Variants in CYSLTR1 observed in about 807,000 individuals in gnomAD.
CYSLTR1 encodes cysteinyl leukotriene receptor 1.
In CYSLTR1, 1 loss-of-function variant was observed where a neutral mutation model predicts 2.1. That is an observed-to-expected ratio of 0.48 (90% CI 0.17 to 2.28). The LOEUF (loss-of-function observed/expected upper bound fraction) is 2.28. Ranked by LOEUF, CYSLTR1 falls within the 30% of genes most tolerant of loss-of-function variation. The pLI is 0.26. For synonymous variants in CYSLTR1, 110 were observed against 89.6 expected (o/e 1.23, Z -1.28); for missense variants, 299 against 250.1 (o/e 1.20, Z -1.32).
intron 1 of CYSLTR1, among the ~76,000 whole-genome samples, chrX:78,325,661 T>A (rs1361398219): frequency 9.9e-5 from 11 of 111,418 alleles, no homozygotes; most frequent in South Asian, 3.8e-4. Context: ...CAGCCACTGT[T>A]AGGTGTTAGG....
intron 1 of CYSLTR1, among the ~76,000 whole-genome samples, chrX:78,294,391 G>A (rs1043398153): frequency 5.3e-5 from 6 of 112,413 alleles, no homozygotes; most frequent in African/African-American, 1.6e-4. Flanking sequence ...GGTGTCTGTC[G>A]GCCCCTACTG....
intron 1 of CYSLTR1, among the ~76,000 whole-genome samples, chrX:78,292,499 C>G (rs1922385976): frequency 8.9e-6 from 1 of 111,807 alleles, no homozygotes; most frequent in Admixed American, 9.5e-5. Flanking sequence ...TGATGCATAG[C>G]TGAGTTCAAG....
rs1921316922 is a variant in CYSLTR1, at chrX:78,272,623, T to G, written c.*110A>C. Reference sequence around the variant, plus strand: ...AGATAGAGTTGTAGGCCCAAATAGTTAAGTATTTGTAAAATATTAAGTAAA... The same window carrying G: ...AGATAGAGTTGTAGGCCCAAATAGTGAAGTATTTGTAAAATATTAAGTAAA... On this transcript the variant is annotated 3_prime_UTR_variant, in exon 3 of 3. Transcript: ENST00000373304. 4 of 764,035 alleles carry G rather than the reference T, an allele frequency of 5.2e-6. No individual in the cohort carries two copies. The highest frequency in any genetic ancestry group is 3.6e-5 in the East Asian group (1 of 27,411). 63.0% of individuals were successfully genotyped at this position (764,035 alleles called of 1,213,427 possible).
intron 1 of CYSLTR1, among the ~76,000 whole-genome samples, chrX:78,293,886 T>C (rs766692850): frequency 1.8e-5 from 2 of 111,719 alleles, no homozygotes; most frequent in South Asian, 7.5e-4. Context: ...TCGTCCAATC[T>C]TTTTTCAAGG....
chrX:78,280,508 T>G (rs759493332), intron 2 of CYSLTR1, among the ~76,000 whole-genome samples: 28 of 101,126 alleles, frequency 2.8e-4, no homozygotes, highest in African/African-American at 9.5e-4. Context: ...TCATATACCA[T>G]TTGTGTGTGT....
chrX:78,303,515 C>T (rs896003235), intron 1 of CYSLTR1, among the ~76,000 whole-genome samples: 1 of 110,291 alleles, frequency 9.1e-6, no homozygotes, highest in African/African-American at 3.3e-5. Context: ...TGCTCCACCT[C>T]GAGTCCCTGG....
At chrX:78,297,963 T>C (rs1922646472) in intron 1 of CYSLTR1, among the ~76,000 whole-genome samples, 2 of 111,672 alleles carry the variant, frequency 1.8e-5, no homozygotes, top group African/African-American at 6.5e-5. Flanking sequence ...GATGCATTTT[T>C]AGATTGCTCA....
chrX:78,291,272 T>C (rs1379011816), intron 1 of CYSLTR1, among the ~76,000 whole-genome samples: 3 of 111,823 alleles, frequency 2.7e-5, no homozygotes, highest in Non-Finnish European at 5.6e-5. Context: ...TTGATTTGCA[T>C]ATGTCGAACC....
At chrX:78,292,950 T>C (rs1700319396) in intron 1 of CYSLTR1, among the ~76,000 whole-genome samples, 1 of 111,220 alleles carries the variant, frequency 9.0e-6, no homozygotes, top group South Asian at 3.8e-4. Context: ...TCTGTGTCCT[T>C]TTATTGAGGG....
At chrX:78,325,749 T>A (rs1923840898) in intron 1 of CYSLTR1, among the ~76,000 whole-genome samples, 1 of 112,243 alleles carries the variant, frequency 8.9e-6, no homozygotes, top group Non-Finnish European at 1.9e-5. Context: ...ATAGTTACCA[T>A]TCATAGTATT....
At chrX:78,310,555 C>T (rs919736739) in intron 1 of CYSLTR1, among the ~76,000 whole-genome samples, 4 of 112,066 alleles carry the variant, frequency 3.6e-5, no homozygotes, top group Non-Finnish European at 5.6e-5. Context: ...CAGACCTTGC[C>T]CACTAAGGGC....
intron 1 of CYSLTR1, among the ~76,000 whole-genome samples, chrX:78,305,297 C>CT (rs749677275): frequency 9.0e-6 from 1 of 111,654 alleles, no homozygotes; most frequent in South Asian, 3.7e-4. Flanking sequence ...AACAATTGCT[C>CT]TTTTTTGTAT....
At chrX:78,287,803 G>T (rs188477292) in intron 1 of CYSLTR1, among the ~76,000 whole-genome samples, 19 of 111,266 alleles carry the variant, frequency 1.7e-4, no homozygotes, top group African/African-American at 6.2e-4. Context: ...CTAGAGACAG[G>T]AGGGAGAAAT....
intron 1 of CYSLTR1, among the ~76,000 whole-genome samples, chrX:78,289,634 G>A (rs758004902): frequency 1.3e-4 from 14 of 111,676 alleles, no homozygotes; most frequent in Non-Finnish European, 2.3e-4. Flanking sequence ...GTTGTTTCCT[G>A]ATTTTTTAAT....
At chrX:78,314,440 C>G (rs1235355745) in intron 1 of CYSLTR1, among the ~76,000 whole-genome samples, 2 of 111,655 alleles carry the variant, frequency 1.8e-5, no homozygotes, top group African/African-American at 6.5e-5. Flanking sequence ...ACAAAAAAAT[C>G]ACCTTCACAA....
chrX:78,315,555 C>A (rs936735068), intron 1 of CYSLTR1, among the ~76,000 whole-genome samples: 7 of 111,177 alleles, frequency 6.3e-5, no homozygotes, highest in African/African-American at 2.0e-4. Context: ...CCAGGCTGGG[C>A]AGCATTGACT....
chrX:78,304,330 G>A (rs972024794), intron 1 of CYSLTR1, among the ~76,000 whole-genome samples: 2 of 111,483 alleles, frequency 1.8e-5, no homozygotes, highest in Admixed American at 9.6e-5. Flanking sequence ...TCCTGAAATC[G>A]TATTTGATAG....
At chrX:78,283,065 C>T (rs755632434) in intron 2 of CYSLTR1, among the ~76,000 whole-genome samples, 6 of 112,319 alleles carry the variant, frequency 5.3e-5, no homozygotes, top group Non-Finnish European at 7.5e-5. Context: ...TCATTTACTA[C>T]AAGCCACTCA....
At chrX:78,325,279 G>A (rs907553953) in intron 1 of CYSLTR1, among the ~76,000 whole-genome samples, 6 of 111,310 alleles carry the variant, frequency 5.4e-5, no homozygotes, top group Admixed American at 9.5e-5. Context: ...CTGAGACTTA[G>A]AGTGATGTCC....
Sources: allele counts gnomAD v4.1 joint callset (sites outside exome capture counted in the v4.1 genomes callset), GRCh38; gene constraint gnomAD v4.1.1; transcripts MANE v1.5; gene names NCBI Gene and HGNC (gene_info 2026-07-23, HGNC 2026-07-21).